The following DERA variants were observed in gnomAD, a reference collection of about 807,000 sequenced individuals.
The protein encoded by DERA is 2-deoxy-D-ribose 5-phosphate aldolase.
In DERA, 15 loss-of-function variants were observed where a neutral mutation model predicts 41.1. The observed-to-expected ratio is 0.37, with a 90% CI of 0.24 to 0.56. The LOEUF is 0.56. DERA is among the 20% of genes least tolerant of loss of function. The pLI, the probability that DERA is intolerant of heterozygous loss-of-function variation, is 0.81. For missense variants in DERA, 396 were observed against 403.4 expected (o/e 0.98, Z 0.16); for synonymous variants, 139 against 137.4 (o/e 1.01, Z -0.08).
chr12:15,978,090 A>G (rs941480884), intron 5 of DERA, among the ~76,000 whole-genome samples: 5 of 152,180 alleles, frequency 3.3e-5, no homozygotes, highest in Admixed American at 3.3e-4. Flanking sequence ...TATTGAAAGG[A>G]AAGTGTCAGC....
At position 16,005,393 on chromosome 12, in the gene DERA, G is replaced by A. The variant is rs555224846; in HGVS notation, c.637+22957G>A. Among the ~76,000 whole-genome samples, 32 of 152,318 alleles carry A rather than the reference G, an allele frequency of 2.1e-4. 1 individual carries two copies. The South Asian group carries it at 6.6e-3, about 32-fold the overall frequency. ...TCCAGGACAGGAGTTCGAGGCTGCA[G>A]TGAGCTATGATTGCACCACTGGTCT... is the stretch of plus-strand genomic sequence containing the variant. On this transcript the variant is annotated intron_variant, in intron 6 of 8. Coordinates refer to ENST00000428559, the MANE Select transcript of DERA (RefSeq NM_015954.4).
chr12:16,034,284 G>C (rs1949112469), intron 7 of DERA, among the ~76,000 whole-genome samples: 2 of 152,160 alleles, frequency 1.3e-5, no homozygotes, highest in African/African-American at 2.4e-5. Context: ...TGCTAGGAAT[G>C]GAAAAATGAG....
chr12:15,960,068 T>C (rs1028209252), intron 4 of DERA, 144 bp downstream of exon 4: 42 of 585,808 alleles, frequency 7.2e-5, no homozygotes, highest in Non-Finnish European at 1.0e-4. Context: ...TTTTAGTATG[T>C]ACTAATTGCT....
Position 16,000,624 on chromosome 12 carries a change from G to A in DERA, c.637+18188G>A, listed in dbSNP as rs3782534. ...GGCTGCTAAATTGGCCAGGGACAAC[G>A]GAGGAGGAACTGAATAGTCAATGAA... On this transcript the variant is annotated intron_variant, in intron 6 of 8. Coordinates refer to ENST00000428559, the MANE Select transcript of DERA (RefSeq NM_015954.4). This position sits in a 1 kb window ranked among gnomAD's most constrained non-coding sequence, Gnocchi z 4.8. 0.065 allele frequency among the ~76,000 whole-genome samples: 9,938 copies of A among 152,180 alleles called. 1,032 individuals carry two copies. The highest frequency in any genetic ancestry group is 0.22 in the African/African-American group (9,134 of 41,440).
In DERA at chr12:15,983,044, T is replaced by G. The variant is rs1368600403; in HGVS notation, c.637+608T>G. Among the ~76,000 whole-genome samples, 1 of 152,186 alleles carries G rather than the reference T, an allele frequency of 6.6e-6. No individual in the cohort carries two copies. The highest frequency in any genetic ancestry group is 1.5e-5 in the Non-Finnish European group (1 of 68,038). On this transcript the variant is annotated intron_variant, in intron 6 of 8. Coordinates refer to ENST00000428559, the MANE Select transcript of DERA (RefSeq NM_015954.4). This position sits in a 1 kb window ranked among gnomAD's most constrained non-coding sequence, Gnocchi z 6.2. Reference sequence around the variant, plus strand: ...AAGCCTTGAGAGTTCTCTCTAGACCTCTTTGCTGTGTCTGACACATCTTCC... The same window carrying G: ...AAGCCTTGAGAGTTCTCTCTAGACCGCTTTGCTGTGTCTGACACATCTTCC...
chr12:15,955,417 A>T (rs1053155173), intron 1 of DERA, among the ~76,000 whole-genome samples: 1 of 152,190 alleles, frequency 6.6e-6, no homozygotes. Context: ...CTAGAACAAA[A>T]ACAGCCCTTG....
rs1478311690 is a variant in DERA, at chr12:15,999,825, C to T, written c.637+17389C>T. On this transcript the variant is annotated intron_variant, in intron 6 of 8. Coordinates refer to ENST00000428559, the MANE Select transcript of DERA (RefSeq NM_015954.4). The surrounding 1 kb of genome is among the most constrained non-coding windows in gnomAD (Gnocchi z 5.3). ...TATTGGAAGTTTGCTGTATGTCAGA[C>T]ACTGGATGACAAAGATTATTATGAC... Among the ~76,000 whole-genome samples the T allele has an allele frequency of 6.6e-6, 1 of 152,162 alleles. No individual in the cohort carries two copies. Among genetic ancestry groups the T allele is most frequent in the Admixed American group, 6.5e-5 (1 of 15,270 alleles).
At chr12:15,917,220 A>T (rs926764749) in intron 1 of DERA, among the ~76,000 whole-genome samples, 2 of 152,166 alleles carry the variant, frequency 1.3e-5, no homozygotes, top group African/African-American at 4.8e-5. Flanking sequence ...AAAACAAAAA[A>T]CTAAAACATA....
rs1208202162 is a variant in DERA, at chr12:15,966,627, C to T, written c.508+3680C>T. ...CATATGACACAGCAGACTGTTCCTTCCTTCTGGTAATGCTTTGTTGTTGTG... is the reference window on the plus strand; with the variant it reads ...CATATGACACAGCAGACTGTTCCTTTCTTCTGGTAATGCTTTGTTGTTGTG... On this transcript the variant is annotated intron_variant, in intron 5 of 8. Transcript: ENST00000428559. This position sits in a 1 kb window ranked among gnomAD's most constrained non-coding sequence, Gnocchi z 5.1. 1.3e-5 allele frequency among the ~76,000 whole-genome samples: 2 copies of T among 152,140 alleles called. No homozygotes were observed. The highest frequency in any genetic ancestry group is 4.8e-5 in the African/African-American group (2 of 41,414).
rs2136126402 is a variant in DERA, at chr12:15,924,214, G to C, written c.31+12800G>C. 6.6e-6 allele frequency among the ~76,000 whole-genome samples: 1 copy of C among 152,256 alleles called. No individual in the cohort carries two copies. Among genetic ancestry groups the C allele is most frequent in the East Asian group, 1.9e-4 (1 of 5,176 alleles). The stretch of plus-strand genomic sequence containing the variant: ...ATGCTGCAGTGGGAGGATCGCTTGA[G>C]CCCAGGAGTTTGAGATTAGCCTGGG... On this transcript the variant is annotated intron_variant, in intron 1 of 8. Transcript: ENST00000428559. The surrounding 1 kb of genome is among the most constrained non-coding windows in gnomAD (Gnocchi z 5.0).
In DERA at chr12:16,026,033, G is replaced by C. The variant is rs946168968; in HGVS notation, c.638-6509G>C. Reference sequence around the variant, plus strand: ...AAAAATACACCACCAAAATTTGTAGGATGTTCCAAAAGCAGTGCTTAGAAA... The same window carrying C: ...AAAAATACACCACCAAAATTTGTAGCATGTTCCAAAAGCAGTGCTTAGAAA... On this transcript the variant is annotated intron_variant, in intron 6 of 8. Transcript: ENST00000428559. The surrounding 1 kb of genome is among the most constrained non-coding windows in gnomAD (Gnocchi z 4.4). Among the ~76,000 whole-genome samples, 1 of 152,046 alleles carries C rather than the reference G, an allele frequency of 6.6e-6. No homozygotes were observed. The highest frequency in any genetic ancestry group is 2.4e-5 in the African/African-American group (1 of 41,430).
In DERA at chr12:15,935,353, GGCATCCACC is replaced by G. The variant is rs1370535968; in HGVS notation, c.32-21582_32-21574del. On this transcript the variant is annotated intron_variant, in intron 1 of 8. Transcript: ENST00000428559. The surrounding 1 kb of genome is among the most constrained non-coding windows in gnomAD (Gnocchi z 4.8). ...AATATAAAAATTAGCCAGGTGTGGT[GGCATCCACC>G]TGTAGTCCTACCTACTTGGGAGGCT... 1.3e-5 allele frequency among the ~76,000 whole-genome samples: 2 copies of G among 152,022 alleles called. No homozygotes were observed. Among genetic ancestry groups the G allele is most frequent in the Non-Finnish European group, 2.9e-5 (2 of 67,982 alleles).
At chr12:15,949,476 G>A (rs1007448775) in intron 1 of DERA, among the ~76,000 whole-genome samples, 3 of 134,622 alleles carry the variant, frequency 2.2e-5, no homozygotes, top group South Asian at 2.3e-4. Flanking sequence ...GCAAGGCTCC[G>A]TGGGCGTGGG....
intron 6 of DERA, among the ~76,000 whole-genome samples, chr12:15,986,640 G>A (rs2136164944): frequency 6.6e-6 from 1 of 152,132 alleles, no homozygotes; most frequent in East Asian, 1.9e-4. Flanking sequence ...TTATTTTAAT[G>A]TTCTTTTCTA....
chr12:16,029,026 T>C (rs765955024), intron 6 of DERA, among the ~76,000 whole-genome samples: 6 of 152,204 alleles, frequency 3.9e-5, no homozygotes, highest in Non-Finnish European at 7.3e-5. Flanking sequence ...GTACCATAAT[T>C]ATATAAGATA....
At position 15,966,951 on chromosome 12, in the gene DERA, T is replaced by C. The variant is rs1400291901; in HGVS notation, c.508+4004T>C. 6.6e-6 allele frequency among the ~76,000 whole-genome samples: 1 copy of C among 152,160 alleles called. No individual in the cohort carries two copies. The highest frequency in any genetic ancestry group is 2.4e-5 in the African/African-American group (1 of 41,442). On this transcript the variant is annotated intron_variant, in intron 5 of 8. Transcript: ENST00000428559. This position sits in a 1 kb window ranked among gnomAD's most constrained non-coding sequence, Gnocchi z 5.1. ...CACCTGCTCCAGAACTCGTATTCCGTTGTATCACTACACCATGTTGCATTT... is the reference window on the plus strand; with the variant it reads ...CACCTGCTCCAGAACTCGTATTCCGCTGTATCACTACACCATGTTGCATTT...
At chr12:15,997,751 G>A (rs1000296948) in intron 6 of DERA, among the ~76,000 whole-genome samples, 1 of 152,144 alleles carries the variant, frequency 6.6e-6, no homozygotes, top group African/African-American at 2.4e-5. Context: ...ATTATGTAGA[G>A]AACATACTTT....
rs1240710560 is a variant in DERA at position 16,037,155 on chromosome 12, T to C, written c.*409T>C. 6.4e-6 allele frequency: 1 copy of C among 155,560 alleles called. No homozygotes were observed. Among genetic ancestry groups the C allele is most frequent in the Non-Finnish European group, 1.4e-5 (1 of 70,468 alleles). The allele number at this position is 155,560 out of a possible 1,614,324, so 9.6% of individuals were successfully genotyped here. ...ACTTCAGGAGTCACTGATTCAGCAC[T>C]AATTTCCTGCTGTGAAAACTCATCT... On this transcript the variant is annotated 3_prime_UTR_variant, in exon 9 of 9. Transcript: ENST00000428559. This position sits in a 1 kb window ranked among gnomAD's most constrained non-coding sequence, Gnocchi z 6.7.
intron 5 of DERA, 94 bp downstream of exon 5, chr12:15,963,041 T>C: frequency 1.4e-6 from 2 of 1,454,614 alleles, no homozygotes; most frequent in South Asian, 2.9e-5. Context: ...AGGTCACTGT[T>C]CTAGGTGACA....
Sources: gnomAD v4.1 joint callset for allele counts (sites outside exome capture counted in the v4.1 genomes callset) on GRCh38, gnomAD v4.1.1 for gene constraint, Gnocchi (gnomAD v3.1) non-coding constraint, MANE v1.5 for transcripts, NCBI Gene and HGNC (gene_info 2026-07-23, HGNC 2026-07-21) for gene names.